Variants in CCPG1 observed in about 807,000 individuals in gnomAD.
CCPG1 encodes cell cycle progression protein 1.
A neutral mutation model predicts 81.3 loss-of-function variants in CCPG1; 46 were observed. That is an observed-to-expected ratio of 0.57 (90% CI 0.45 to 0.72). The LOEUF (loss-of-function observed/expected upper bound fraction) is 0.72. Ranked by LOEUF, CCPG1 falls within the 30% of genes least tolerant of loss-of-function variation. The pLI, the probability that CCPG1 is intolerant of heterozygous loss-of-function variation, is 0.00. For missense variants in CCPG1, 902 were observed against 937.6 expected (o/e 0.96, Z 0.50); for synonymous variants, 330 against 305.2 (o/e 1.08, Z -0.85).
chr15:55,363,168 T>A (rs751041781), intron 7 of CCPG1, among the ~76,000 whole-genome samples: 1 of 151,866 alleles, frequency 6.6e-6, no homozygotes, highest in Middle Eastern at 3.2e-3. Context: ...GCCAACATAG[T>A]GAAACCCCAT....
chr15:55,401,161 A>G (rs1376024783), intron 1 of CCPG1, among the ~76,000 whole-genome samples: 1 of 152,138 alleles, frequency 6.6e-6, no homozygotes, highest in East Asian at 1.9e-4. Context: ...TGGAAATTAA[A>G]CCAAATATTG....
At chr15:55,389,000 C>T (rs915446237) in intron 2 of CCPG1, among the ~76,000 whole-genome samples, 5 of 126,262 alleles carry the variant, frequency 4.0e-5, no homozygotes, top group South Asian at 2.8e-4. Flanking sequence ...TCCAGTGGGG[C>T]GGAGGTTGCA....
At position 55,355,586 on chromosome 15, in the gene CCPG1, A is replaced by G. The variant is rs1020602005; in HGVS notation, c.*634T>C. ...ACTGAGGAAATGTATAAAATACCAC[A>G]TAGTATAAAATTACATGTTAATACA... On this transcript the variant is annotated 3_prime_UTR_variant, in exon 9 of 9. Coordinates refer to ENST00000442196, the MANE Select transcript of CCPG1 (RefSeq NM_001204450.2). 3.2e-5 allele frequency: 17 copies of G among 529,708 alleles called. No individual in the cohort carries two copies. The highest frequency in any genetic ancestry group is 6.5e-6 in the Non-Finnish European group (2 of 307,092). 32.8% of individuals were successfully genotyped at this position (529,708 alleles called of 1,614,324 possible). A position where few individuals can be genotyped will look rare whatever the true frequency, so the allele number is the denominator to read the frequency against.
intron 3 of CCPG1, among the ~76,000 whole-genome samples, chr15:55,381,480 G>C (rs1444891953): frequency 6.6e-6 from 1 of 152,088 alleles, no homozygotes; most frequent in Non-Finnish European, 1.5e-5. Context: ...ACATATGCAA[G>C]TAAATGCATT....
chr15:55,377,918 TAAA>T (rs1399882655), intron 4 of CCPG1, among the ~76,000 whole-genome samples: 1 of 139,508 alleles, frequency 7.2e-6, no homozygotes, highest in African/African-American at 2.8e-5. Flanking sequence ...CAGTACAGAC[TAAA>T]ACACCATGTA....
intron 5 of CCPG1, among the ~76,000 whole-genome samples, chr15:55,376,310 C>G (rs560761972): frequency 3.5e-4 from 54 of 152,160 alleles, no homozygotes; most frequent in Non-Finnish European, 7.2e-4. Flanking sequence ...TGAAGCATAG[C>G]AGAAAGAAAT....
At chr15:55,399,417 C>CAAAAAAAAA (rs56191750) in intron 1 of CCPG1, among the ~76,000 whole-genome samples, 319 of 60,986 alleles carry the variant, frequency 5.2e-3, no homozygotes, top group Non-Finnish European at 6.8e-3. Flanking sequence ...ACTAAAAATA[C>CAAAAAAAAA]AAAAAAAAAA....
intron 5 of CCPG1, chr15:55,372,797 C>A: frequency 2.9e-6 from 1 of 350,108 alleles, no homozygotes; most frequent in Non-Finnish European, 5.8e-6. Flanking sequence ...GGAAAGTACA[C>A]AAGCATTTCC....
rs576387945 is a variant in CCPG1, at chr15:55,381,365, G to A, written c.176-2989C>T. Reference sequence around the variant, plus strand: ...AGGCTGAGACTTGAACCGGGGAGGCGGAGGTTACAGTGAGCTGAGATCATT... The same window carrying A: ...AGGCTGAGACTTGAACCGGGGAGGCAGAGGTTACAGTGAGCTGAGATCATT... On this transcript the variant is annotated intron_variant, in intron 3 of 8. Coordinates refer to ENST00000442196, the MANE Select transcript of CCPG1 (RefSeq NM_001204450.2). 1.2e-4 allele frequency among the ~76,000 whole-genome samples: 19 copies of A among 152,008 alleles called. No homozygotes were observed. The South Asian group carries it at 3.1e-3, about 25-fold the overall frequency.
At chr15:55,381,820 G>GTAGTCAA (rs147362640) in intron 3 of CCPG1, among the ~76,000 whole-genome samples, 35,306 of 151,804 alleles carry the variant, frequency 0.23, 5,205 homozygotes, top group Non-Finnish European at 0.33. Flanking sequence ...ACATAATACA[G>GTAGTCAA]ATTCCATTTT....
intron 1 of CCPG1, among the ~76,000 whole-genome samples, chr15:55,404,461 C>A (rs2057179737): frequency 6.6e-6 from 1 of 152,068 alleles, no homozygotes. Context: ...TCCAACATAA[C>A]CATAACAAAA....
chr15:55,382,956 CA>C (rs1479253324), intron 3 of CCPG1, among the ~76,000 whole-genome samples: 1 of 152,148 alleles, frequency 6.6e-6, no homozygotes, highest in Non-Finnish European at 1.5e-5. Context: ...GACCTTTTCC[CA>C]CAAATCACAA....
intron 3 of CCPG1, among the ~76,000 whole-genome samples, chr15:55,384,107 AC>A (rs1230446466): frequency 8.5e-5 from 13 of 152,116 alleles, no homozygotes; most frequent in Non-Finnish European, 2.9e-5. Flanking sequence ...TCACCTGAAC[AC>A]CTGGAGGCCA....
Position 55,390,158 on chromosome 15 carries a change from G to A in CCPG1, c.-9-725C>T, listed in dbSNP as rs190272635. On this transcript the variant is annotated intron_variant, in intron 1 of 8. Coordinates refer to ENST00000442196, the MANE Select transcript of CCPG1 (RefSeq NM_001204450.2). ...AGGCTGGTCGCGAACTCCTGACCTC[G>A]TGATCCGCCTGCCTCAGCCTCCCAA... Among the ~76,000 whole-genome samples, 251 of 152,148 alleles carry A rather than the reference G, an allele frequency of 1.6e-3. 2 individuals are homozygous for A. Among genetic ancestry groups the A allele is most frequent in the African/African-American group, 5.7e-3 (235 of 41,526 alleles).
intron 1 of CCPG1, among the ~76,000 whole-genome samples, chr15:55,404,791 G>C (rs1566986920): frequency 6.6e-6 from 1 of 152,104 alleles, no homozygotes; most frequent in Non-Finnish European, 1.5e-5. Flanking sequence ...TAAAATTAGG[G>C]CCAGGTGCGG....
At chr15:55,407,804 G>A (rs901935884) in intron 1 of CCPG1, 4 of 152,336 alleles carry the variant, frequency 2.6e-5, no homozygotes, top group African/African-American at 9.6e-5. Flanking sequence ...TCAAAAGACA[G>A]GCTGGCATTA....
At chr15:55,357,980 C>A (rs1470504342) in intron 8 of CCPG1, 1 of 152,212 alleles carries the variant, frequency 6.6e-6, no homozygotes, top group Non-Finnish European at 1.5e-5. Flanking sequence ...TTACACTACC[C>A]ACCCATTAAT....
intron 1 of CCPG1, among the ~76,000 whole-genome samples, chr15:55,391,940 G>A (rs1269087887): frequency 1.4e-5 from 2 of 142,454 alleles, no homozygotes; most frequent in Admixed American, 1.5e-4. Flanking sequence ...AACACGGAGA[G>A]GCCAAGACGG....
At chr15:55,363,259 G>A (rs2056243183) in intron 7 of CCPG1, among the ~76,000 whole-genome samples, 1 of 150,008 alleles carries the variant, frequency 6.7e-6, no homozygotes, top group Admixed American at 6.7e-5. Flanking sequence ...TGAGGCAGGA[G>A]AATCACTTGA....
Sources: gnomAD v4.1 joint callset for allele counts (sites outside exome capture counted in the v4.1 genomes callset) on GRCh38, gnomAD v4.1.1 for gene constraint, MANE v1.5 for transcripts, NCBI Gene and HGNC (gene_info 2026-07-23, HGNC 2026-07-21) for gene names.